The following ASCC1 variants were observed in gnomAD, a reference collection of about 807,000 sequenced individuals.
ASCC1 encodes the protein activating signal cointegrator 1 complex subunit 1.
Under a neutral mutation model 46.6 loss-of-function variants are expected in ASCC1, and 35 were observed. That is an observed-to-expected ratio of 0.75 (90% CI 0.57 to 0.99). The LOEUF (loss-of-function observed/expected upper bound fraction) is 0.99, where lower values mean the gene tolerates loss of function less well. Among genes scored for constraint, ASCC1 ranks in the 50% least tolerant of loss-of-function variants. The pLI is 0.00. For synonymous variants in ASCC1, 143 were observed against 146.6 expected, an observed-to-expected ratio of 0.98 and a Z score of 0.18; for missense variants, 376 against 428.7, an observed-to-expected ratio of 0.88 and a Z score of 1.09.
At chr10:72,172,796 A>T (rs1460123355) in intron 5 of ASCC1, among the ~76,000 whole-genome samples, 10 of 133,984 alleles carry the variant, frequency 7.5e-5, no homozygotes, top group Non-Finnish European at 1.4e-4. Context: ...TATATTATAT[A>T]TTATATTTTT....
intron 9 of ASCC1, among the ~76,000 whole-genome samples, chr10:72,098,058 C>T (rs1841295070): frequency 1.3e-5 from 2 of 152,176 alleles, no homozygotes; most frequent in South Asian, 4.1e-4. Context: ...TTATCAAATA[C>T]CTTTATTAGA....
chr10:72,186,579 C>G (rs957657890), intron 5 of ASCC1, among the ~76,000 whole-genome samples: 1 of 152,144 alleles, frequency 6.6e-6, no homozygotes, highest in Non-Finnish European at 1.5e-5. Context: ...ATGCAGAGTA[C>G]TACTGGAAAG....
At chr10:72,169,706 A>C (rs1401121871) in intron 5 of ASCC1, among the ~76,000 whole-genome samples, 1 of 152,240 alleles carries the variant, frequency 6.6e-6, no homozygotes, top group Non-Finnish European at 1.5e-5. Context: ...TACATATTCA[A>C]ACATAAAATA....
chr10:72,141,306 T>G (rs1315030083), intron 7 of ASCC1, among the ~76,000 whole-genome samples: 1 of 152,174 alleles, frequency 6.6e-6, no homozygotes, highest in Admixed American at 6.5e-5. Context: ...TAATCTACAG[T>G]GAATACTTTC....
chr10:72,211,440 T>C (rs1472544990), intron 2 of ASCC1, among the ~76,000 whole-genome samples: 1 of 151,936 alleles, frequency 6.6e-6, no homozygotes, highest in Admixed American at 6.6e-5. Context: ...TCTACAAAGA[T>C]TAGCTGGGCA....
chr10:72,106,184 G>C (rs1167754386), intron 9 of ASCC1, among the ~76,000 whole-genome samples: 1 of 152,096 alleles, frequency 6.6e-6, no homozygotes, highest in African/African-American at 2.4e-5. Context: ...ACTTGAATAA[G>C]AAGAAATTCA....
At chr10:72,142,038 A>G (rs1426657114) in intron 7 of ASCC1, among the ~76,000 whole-genome samples, 3 of 152,216 alleles carry the variant, frequency 2.0e-5, no homozygotes, top group African/African-American at 7.2e-5. Flanking sequence ...TGATAAATGT[A>G]GGCAACCCTG....
rs1200380229 is a variant in ASCC1 at position 72,096,629 on chromosome 10, A to G, written c.*705T>C. On this transcript the variant is annotated 3_prime_UTR_variant, in exon 10 of 10. Transcript: ENST00000672957. ...ATATTTGCACCCCCGTGTCTGTATTAGCACTACTCCCAATAGTCAAGAGGA... is the reference window on the plus strand; with the variant it reads ...ATATTTGCACCCCCGTGTCTGTATTGGCACTACTCCCAATAGTCAAGAGGA... 6.6e-6 allele frequency: 3 copies of G among 454,010 alleles called. No individual in the cohort carries two copies. The highest frequency in any genetic ancestry group is 4.0e-5 in the African/African-American group (2 of 50,030). The allele number at this position is 454,010 out of a possible 1,614,324, so 28.1% of individuals were successfully genotyped here. A position where few individuals can be genotyped will look rare whatever the true frequency, so the allele number is the denominator to read the frequency against.
chr10:72,197,133 G>A (rs1211642679), intron 4 of ASCC1, 144 bp from the exon 5 acceptor site: 1 of 760,854 alleles, frequency 1.3e-6, no homozygotes, highest in East Asian at 2.7e-5. Context: ...ACAAATATAA[G>A]AAAACTGCTA....
chr10:72,121,394 A>G (rs112500015), intron 9 of ASCC1, among the ~76,000 whole-genome samples: 1,826 of 151,856 alleles, frequency 0.012, 28 homozygotes, highest in African/African-American at 0.042. Flanking sequence ...ATCCTCCCAC[A>G]TGGGCCTCCC....
At chr10:72,167,489 G>A (rs1479458634) in intron 5 of ASCC1, among the ~76,000 whole-genome samples, 1 of 152,090 alleles carries the variant, frequency 6.6e-6, no homozygotes, top group African/African-American at 2.4e-5. Context: ...TTTTTAGGGT[G>A]ATGGAAATGT....
intron 5 of ASCC1, among the ~76,000 whole-genome samples, chr10:72,195,487 A>G (rs886561286): frequency 6.6e-6 from 1 of 151,930 alleles, no homozygotes; most frequent in Non-Finnish European, 1.5e-5. Context: ...AACAATGTTC[A>G]TGGTAGAATG....
chr10:72,146,267 G>A (rs1847614694), intron 7 of ASCC1, among the ~76,000 whole-genome samples: 1 of 152,160 alleles, frequency 6.6e-6, no homozygotes, highest in Non-Finnish European at 1.5e-5. Flanking sequence ...CTACTGCCCT[G>A]CATATCCTAG....
chr10:72,156,948 A>T (rs1382083175), intron 6 of ASCC1, among the ~76,000 whole-genome samples: 1 of 152,110 alleles, frequency 6.6e-6, no homozygotes, highest in Non-Finnish European at 1.5e-5. Flanking sequence ...CATAAGACCA[A>T]AACTTCTCTC....
intron 3 of ASCC1, among the ~76,000 whole-genome samples, chr10:72,205,630 CAAAAAAAAAA>C (rs35572254): frequency 8.6e-6 from 1 of 116,872 alleles, no homozygotes; most frequent in Non-Finnish European, 1.8e-5. Context: ...AACTCCATCT[CAAAAAAAAAA>C]AAAAAAAATA....
chr10:72,121,533 A>T (rs1034412575), intron 9 of ASCC1, among the ~76,000 whole-genome samples: 2 of 115,960 alleles, frequency 1.7e-5, no homozygotes, highest in Admixed American at 7.4e-5. Context: ...AAAAAAAAAG[A>T]AAAGTAAATA....
chr10:72,169,515 A>G (rs1850789430), intron 5 of ASCC1, among the ~76,000 whole-genome samples: 1 of 152,160 alleles, frequency 6.6e-6, no homozygotes, highest in East Asian at 1.9e-4. Flanking sequence ...GAAAACATAC[A>G]TTAATATATA....
intron 6 of ASCC1, among the ~76,000 whole-genome samples, chr10:72,158,775 T>C (rs1299078377): frequency 6.6e-6 from 1 of 152,248 alleles, no homozygotes. Context: ...TACAGGTCTG[T>C]TCATTTTTCA....
intron 5 of ASCC1, among the ~76,000 whole-genome samples, chr10:72,193,888 G>A (rs78898535): frequency 0.03 from 4,517 of 149,348 alleles, 149 homozygotes; most frequent in Non-Finnish European, 0.039. Flanking sequence ...AGGTTGGAGC[G>A]CAGTGGTGCG....
Sources: allele counts gnomAD v4.1 joint callset (sites outside exome capture counted in the v4.1 genomes callset), GRCh38; gene constraint gnomAD v4.1.1; transcripts MANE v1.5; gene names NCBI Gene and HGNC (gene_info 2026-07-23, HGNC 2026-07-21).